The following TTC29 variants were observed in gnomAD, a reference collection of about 807,000 sequenced individuals.
The protein encoded by TTC29 is tetratricopeptide repeat protein 29.
A neutral mutation model predicts 58.1 loss-of-function variants in TTC29; 49 were observed. The observed-to-expected ratio is 0.84, with a 90% CI of 0.67 to 1.07. The LOEUF (loss-of-function observed/expected upper bound fraction) is 1.07. TTC29 is among the 50% of genes least tolerant of loss of function. The probability of loss-of-function intolerance (pLI) is 0.00; values close to 1 mark genes in which losing one functional copy is unlikely to be tolerated. For synonymous variants in TTC29, 209 were observed against 196.8 expected, an observed-to-expected ratio of 1.06 and a Z score of -0.52; for missense variants, 582 against 555.6, an observed-to-expected ratio of 1.05 and a Z score of -0.48.
intron 11 of TTC29, among the ~76,000 whole-genome samples, chr4:146,718,031 C>T (rs771125239): frequency 6.6e-6 from 1 of 152,112 alleles, no homozygotes; most frequent in Non-Finnish European, 1.5e-5. Context: ...ATACTATTCT[C>T]CAATTCCATC....
intron 9 of TTC29, among the ~76,000 whole-genome samples, chr4:146,822,142 C>A (rs1421092301): frequency 2.0e-5 from 3 of 150,148 alleles, no homozygotes; most frequent in African/African-American, 7.4e-5. Context: ...AAAAGGGATA[C>A]ATGTGTAGAA....
At chr4:146,715,334 A>T (rs915017198) in intron 11 of TTC29, among the ~76,000 whole-genome samples, 1 of 152,336 alleles carries the variant, frequency 6.6e-6, no homozygotes, top group East Asian at 1.9e-4. Context: ...AGCACTATCT[A>T]CAATAGGTAA....
chr4:146,831,840 G>T, intron 9 of TTC29: 1 of 331,210 alleles, frequency 3.0e-6, no homozygotes, highest in South Asian at 2.4e-5. Flanking sequence ...TAACCAAAGG[G>T]GCATTTCAAT....
At chr4:146,820,706 A>G (rs993543184) in intron 9 of TTC29, among the ~76,000 whole-genome samples, 1 of 152,206 alleles carries the variant, frequency 6.6e-6, no homozygotes, top group Non-Finnish European at 1.5e-5. Context: ...AATGTGTTGT[A>G]TACCTACAAT....
chr4:146,745,362 C>T (rs1745467011), intron 11 of TTC29, among the ~76,000 whole-genome samples: 1 of 152,216 alleles, frequency 6.6e-6, no homozygotes, highest in Non-Finnish European at 1.5e-5. Context: ...TAGAGAACCA[C>T]TAGTCATGGA....
At chr4:146,815,761 G>A (rs1410361849) in intron 10 of TTC29, among the ~76,000 whole-genome samples, 2 of 152,204 alleles carry the variant, frequency 1.3e-5, no homozygotes, top group Admixed American at 6.5e-5. Context: ...AAGACATCAA[G>A]TAGGTGGTGG....
chr4:146,713,498 T>C (rs1742681501), intron 11 of TTC29, among the ~76,000 whole-genome samples: 1 of 152,156 alleles, frequency 6.6e-6, no homozygotes, highest in Non-Finnish European at 1.5e-5. Flanking sequence ...TTCTTATCTG[T>C]GTTTTGAAGT....
chr4:146,888,479 T>C (rs768852125), intron 6 of TTC29, among the ~76,000 whole-genome samples: 16 of 152,148 alleles, frequency 1.1e-4, no homozygotes, highest in Non-Finnish European at 1.9e-4. Flanking sequence ...TCACTGAAAT[T>C]GCTGCTTGTA....
chr4:146,838,910 G>A (rs1728676015), intron 8 of TTC29, among the ~76,000 whole-genome samples: 1 of 151,896 alleles, frequency 6.6e-6, no homozygotes. Flanking sequence ...TTTAACAAGT[G>A]AAATTTTAAA....
chr4:146,735,883 A>T (rs559588762), intron 11 of TTC29, among the ~76,000 whole-genome samples: 32 of 152,300 alleles, frequency 2.1e-4, no homozygotes, highest in African/African-American at 7.7e-4. Flanking sequence ...TTAACAAGAC[A>T]ATAGGGAAAG....
chr4:146,804,597 A>G (rs1303145159), intron 10 of TTC29, among the ~76,000 whole-genome samples: 4 of 152,104 alleles, frequency 2.6e-5, no homozygotes, highest in Non-Finnish European at 5.9e-5. Context: ...TTTTCCCCTC[A>G]CAGTGTAAAG....
intron 8 of TTC29, among the ~76,000 whole-genome samples, chr4:146,849,829 T>TG (rs1729406888): frequency 6.6e-6 from 1 of 152,138 alleles, no homozygotes; most frequent in Admixed American, 6.5e-5. Context: ...CCATTACCAC[T>TG]GCCTGGGTGT....
intron 11 of TTC29, among the ~76,000 whole-genome samples, chr4:146,781,881 G>A (rs1748633831): frequency 6.6e-6 from 1 of 151,814 alleles, no homozygotes; most frequent in African/African-American, 2.4e-5. Context: ...GAAATCAGTG[G>A]TAGAGTAAAC....
intron 11 of TTC29, among the ~76,000 whole-genome samples, chr4:146,710,239 G>GC (rs1742381987): frequency 1.3e-5 from 2 of 152,180 alleles, no homozygotes; most frequent in African/African-American, 4.8e-5. Context: ...ATATACTATA[G>GC]CGTATTACTT....
chr4:146,718,778 G>C (rs1355844390), intron 11 of TTC29, among the ~76,000 whole-genome samples: 1 of 151,996 alleles, frequency 6.6e-6, no homozygotes, highest in Non-Finnish European at 1.5e-5. Flanking sequence ...AAAAGTTATT[G>C]CCTAGACCAA....
intron 7 of TTC29, among the ~76,000 whole-genome samples, chr4:146,872,322 T>C (rs1730986611): frequency 6.6e-6 from 1 of 152,072 alleles, no homozygotes; most frequent in African/African-American, 2.4e-5. Context: ...CACTGTGACC[T>C]TGCATTGGTC....
intron 6 of TTC29, among the ~76,000 whole-genome samples, chr4:146,888,369 A>C (rs1367324840): frequency 6.6e-6 from 1 of 152,128 alleles, no homozygotes; most frequent in Non-Finnish European, 1.5e-5. Flanking sequence ...CAGGTGGGGA[A>C]GCATTGAATG....
chr4:146,939,373 T>A (rs563666680), intron 3 of TTC29, among the ~76,000 whole-genome samples: 1 of 152,262 alleles, frequency 6.6e-6, no homozygotes, highest in South Asian at 2.1e-4. Context: ...GATAATTGCT[T>A]GAACTCAGGA....
At chr4:146,834,031 A>G in intron 8 of TTC29, 134 bp from the exon 9 acceptor site, 1 of 561,832 alleles carries the variant, frequency 1.8e-6, no homozygotes, top group South Asian at 2.5e-5. Flanking sequence ...TTAAAAATTC[A>G]TGTTGGTTTG....
Sources: allele counts gnomAD v4.1 joint callset (sites outside exome capture counted in the v4.1 genomes callset), GRCh38; gene constraint gnomAD v4.1.1; transcripts MANE v1.5; gene names NCBI Gene and HGNC (gene_info 2026-07-23, HGNC 2026-07-21).